Variants in PKHD1L1 observed in about 807,000 individuals in gnomAD.
PKHD1L1 encodes fibrocystin-L.
A neutral mutation model predicts 462.9 loss-of-function variants in PKHD1L1; 434 were observed. The observed-to-expected ratio is 0.94, with a 90% CI of 0.87 to 1.02. The LOEUF (loss-of-function observed/expected upper bound fraction) is 1.02, where lower values mean the gene tolerates loss of function less well. PKHD1L1 is among the 50% of genes least tolerant of loss of function. The pLI, the probability that PKHD1L1 is intolerant of heterozygous loss-of-function variation, is 0.00. For missense variants in PKHD1L1, 5,202 were observed against 5,096.1 expected, an observed-to-expected ratio of 1.02 and a Z score of -0.63; for synonymous variants, 1,781 against 1,750.0, an observed-to-expected ratio of 1.02 and a Z score of -0.44.
At chr8:109,435,111 T>C (rs574010154) in intron 28 of PKHD1L1, 79 bp from the exon 29 acceptor site, 330 of 1,445,860 alleles carry the variant, frequency 2.3e-4, no homozygotes, top group Non-Finnish European at 2.9e-4. Context: ...AGGCCAATGT[T>C]AGTATTTGCA....
chr8:109,478,229 T>C (rs1818095452), intron 53 of PKHD1L1, among the ~76,000 whole-genome samples: 1 of 152,106 alleles, frequency 6.6e-6, no homozygotes, highest in African/African-American at 2.4e-5. Context: ...AGAACAAAAA[T>C]TGAATTTGTT....
At chr8:109,467,851 C>T (rs1029089205) in intron 50 of PKHD1L1, among the ~76,000 whole-genome samples, 4 of 147,284 alleles carry the variant, frequency 2.7e-5, no homozygotes, top group African/African-American at 7.3e-5. Context: ...AGCTTCTTGA[C>T]AGCAATATGG....
chr8:109,372,575 C>A (rs1376107658), intron 2 of PKHD1L1, among the ~76,000 whole-genome samples: 2 of 152,192 alleles, frequency 1.3e-5, no homozygotes, highest in African/African-American at 2.4e-5. Flanking sequence ...GCATCCCTGT[C>A]TTGTGCCAGT....
At chr8:109,404,857 T>C (rs929457952) in intron 15 of PKHD1L1, 138 bp from the exon 16 acceptor site, 1 of 1,151,032 alleles carries the variant, frequency 8.7e-7, no homozygotes, top group Non-Finnish European at 1.2e-6. Context: ...TGAGTATTTG[T>C]ACGATAAGCC....
At chr8:109,384,368 C>G (rs10104900) in intron 5 of PKHD1L1, among the ~76,000 whole-genome samples, 46,105 of 151,714 alleles carry the variant, frequency 0.3, 7,638 homozygotes, top group Admixed American at 0.44. Flanking sequence ...ATGAGACCCT[C>G]TCTCTAAAAA....
Position 109,471,034 on chromosome 8 carries a change from G to A in PKHD1L1, c.8606-4084G>A. On this transcript the variant is annotated intron_variant, in intron 50 of 77. Transcript: ENST00000378402. ...TTGGGTCACCACTTAAGTCAATACAGGCCACATTAACACCTTCTGCGATGA... is the reference window on the plus strand; with the variant it reads ...TTGGGTCACCACTTAAGTCAATACAAGCCACATTAACACCTTCTGCGATGA... The A allele has an allele frequency of 1.9e-6, 3 of 1,604,500 alleles. No individual in the cohort carries two copies. The South Asian group carries it at 3.3e-5, about 18-fold the overall frequency.
rs1416501035 is a variant in PKHD1L1, at chr8:109,400,465, G to C, written c.1281+121G>C. 9.1e-5 allele frequency: 109 copies of C among 1,201,842 alleles called. No individual in the cohort carries two copies. The South Asian group carries it at 1.8e-3, about 20-fold the overall frequency. 74.4% of individuals were successfully genotyped at this position (1,201,842 alleles called of 1,614,324 possible). A position where few individuals can be genotyped will look rare whatever the true frequency, so the allele number is the denominator to read the frequency against. Reference sequence around the variant, plus strand: ...AAATGTATGAGAAATGATGTCATGTGGTTTGGCTCTTGGCTATTATCCTGG... The same window carrying C: ...AAATGTATGAGAAATGATGTCATGTCGTTTGGCTCTTGGCTATTATCCTGG... On this transcript the variant is annotated intron_variant, in intron 13 of 77. Transcript: ENST00000378402.
chr8:109,374,058 TG>T (rs1344433183), intron 2 of PKHD1L1, among the ~76,000 whole-genome samples: 2 of 152,146 alleles, frequency 1.3e-5, no homozygotes, highest in African/African-American at 4.8e-5. Context: ...TGGATATCCT[TG>T]TTAACTTTCT....
intron 54 of PKHD1L1, 141 bp from the exon 55 acceptor site, chr8:109,479,850 G>A: frequency 2.1e-6 from 2 of 934,302 alleles, no homozygotes; most frequent in Non-Finnish European, 3.1e-6. Flanking sequence ...CAGATTTTCT[G>A]GGAGAGATAG....
rs369706910 is a variant in PKHD1L1 at position 109,389,050 on chromosome 8, A to G, written c.624-29A>G. 41 of 1,437,522 alleles carry G rather than the reference A, an allele frequency of 2.9e-5. No homozygotes were observed. The South Asian group carries it at 4.8e-4, about 17-fold the overall frequency. The allele number at this position is 1,437,522 out of a possible 1,614,324, so 89.0% of individuals were successfully genotyped here. On this transcript the variant is annotated intron_variant, in intron 7 of 77. Coordinates refer to ENST00000378402, the MANE Select transcript of PKHD1L1 (RefSeq NM_177531.6). ...ATTCTAAAATTTTAGTGTCTATATA[A>G]GCTTTGACATTAACTTTTTTTTAAT...
At chr8:109,521,061 G>C (rs1820526395) in intron 73 of PKHD1L1, among the ~76,000 whole-genome samples, 1 of 152,150 alleles carries the variant, frequency 6.6e-6, no homozygotes, top group Non-Finnish European at 1.5e-5. Flanking sequence ...AGTATGAGGA[G>C]AGGGAGGAAT....
At chr8:109,482,934 A>C in intron 56 of PKHD1L1, 53 bp from the exon 57 acceptor site, 1 of 1,065,782 alleles carries the variant, frequency 9.4e-7, no homozygotes, top group Admixed American at 2.9e-5. Flanking sequence ...TTATACTAGC[A>C]CCTAACTCAG....
intron 12 of PKHD1L1, among the ~76,000 whole-genome samples, chr8:109,398,848 A>G (rs1813107859): frequency 1.3e-5 from 2 of 152,194 alleles, no homozygotes; most frequent in South Asian, 4.1e-4. Context: ...TATGATAACT[A>G]AAACTTGGTA....
rs1173986927 is a variant in PKHD1L1, at chr8:109,503,915, G to T, written c.10829-412G>T. On this transcript the variant is annotated intron_variant, in intron 67 of 77. Transcript: ENST00000378402. ...GACTGGAGGTTGGTGCTTGCTGACA[G>T]TTGGTGCTGGCCATTAGCTGGGGCG... is the stretch of plus-strand genomic sequence containing the variant. Among the ~76,000 whole-genome samples, 5 of 152,204 alleles carry T rather than the reference G, an allele frequency of 3.3e-5. No individual in the cohort carries two copies. The East Asian group carries it at 9.6e-4, about 29-fold the overall frequency.
chr8:109,485,088 C>A lies in PKHD1L1; in HGVS notation c.9621C>A (p.His3207Gln). The part of the protein sequence containing the change: ...IVITTTSYDF[H>Q]QTETRSIVKI... ...TAACAACCACAAGCTACGATTTCCA[C>A]CAGACAGAAACAAGAAGTATCGTTA... Residue 3207 changes from histidine to glutamine, a missense_variant, in exon 58 of 78, where the codon CAC becomes CAA. By Grantham distance (24) the His-to-Gln change is conservative (BLOSUM62 0). Transcript: ENST00000378402. 6.2e-7 allele frequency: 1 copy of A among 1,603,778 alleles called. No individual in the cohort carries two copies.
chr8:109,467,119 G>A lies in PKHD1L1; in HGVS notation c.8605+350G>A, dbSNP rs548108530. ...TTGCTGATTGAGATGGGATGGGGGA[G>A]CATTTACTAGGTTAATAGCTGCCTA... On this transcript the variant is annotated intron_variant, in intron 50 of 77. Coordinates refer to ENST00000378402, the MANE Select transcript of PKHD1L1 (RefSeq NM_177531.6). 4.6e-5 allele frequency among the ~76,000 whole-genome samples: 7 copies of A among 152,200 alleles called. No individual in the cohort carries two copies. In the South Asian group the frequency reaches 1.0e-3, roughly 23 times the overall value.
chr8:109,445,086 C>A lies in PKHD1L1; in HGVS notation c.5217C>A (p.Cys1739Ter). 1 of 1,613,964 alleles carries A rather than the reference C, an allele frequency of 6.2e-7. No homozygotes were observed. Among genetic ancestry groups the A allele is most frequent in the Non-Finnish European group, 8.5e-7 (1 of 1,179,872 alleles). The change falls in exon 38 of 78, where the codon TGC (cysteine) becomes TGA (stop). Residue 1739 changes from cysteine to a stop codon, truncating the protein, a stop_gained. Transcript: ENST00000378402. LOFTEE classifies it high-confidence loss of function. ...HGVPAQCQGN[C>*]TFSYLESITP... ...TGCCTGCCCAGTGCCAGGGAAACTG[C>A]ACCTTTTCATACTTAGAAAGCATCA...
chr8:109,513,461 A>T lies in PKHD1L1; in HGVS notation c.11554-1709A>T, dbSNP rs191957975. Among the ~76,000 whole-genome samples the T allele has an allele frequency of 2.0e-5, 3 of 152,276 alleles. No homozygotes were observed. The East Asian group carries it at 5.8e-4, about 29-fold the overall frequency. ...GCATGTTATTTTTAATATCTTCAAT[A>T]ATGTCAAGTCTTTGCTAGAAACTGA... is the stretch of plus-strand genomic sequence containing the variant. On this transcript the variant is annotated intron_variant, in intron 71 of 77. Coordinates refer to ENST00000378402, the MANE Select transcript of PKHD1L1 (RefSeq NM_177531.6).
chr8:109,364,446 T>C (rs1811127370), intron 1 of PKHD1L1, 101 bp from the exon 2 acceptor site: 2 of 819,482 alleles, frequency 2.4e-6, no homozygotes, highest in Admixed American at 5.4e-5. Context: ...GTAAACTTCA[T>C]AATGTTTTCC....
Sources: allele counts gnomAD v4.1 joint callset (sites outside exome capture counted in the v4.1 genomes callset), GRCh38; gene constraint gnomAD v4.1.1; transcripts MANE v1.5; gene names NCBI Gene and HGNC (gene_info 2026-07-23, HGNC 2026-07-21).